TIAM1: variants seen among roughly 807,000 people sequenced by gnomAD.
TIAM1 encodes TIAM Rac1 associated GEF 1.
TIAM1 carries 65 observed loss-of-function variants against 163.5 expected under a neutral mutation model. The ratio of observed to expected loss-of-function variants is 0.40; its 90% CI spans 0.33 to 0.49. The LOEUF is 0.49. TIAM1 is among the 20% of genes least tolerant of loss of function. TIAM1 has a pLI of 0.77. For missense variants in TIAM1, 1,789 were observed against 2,044.7 expected (o/e 0.87, Z 2.41); for synonymous variants, 833 against 810.1 (o/e 1.03, Z -0.48).
At chr21:31,210,812 A>AAGAG (rs1300979066) in intron 10 of TIAM1, among the ~76,000 whole-genome samples, 3 of 147,634 alleles carry the variant, frequency 2.0e-5, no homozygotes, top group Non-Finnish European at 4.5e-5. Context: ...GAAAGAAAGA[A>AAGAG]AGGTCACCAT....
chr21:31,262,402 A>G lies in TIAM1; in HGVS notation c.963+3608T>C, dbSNP rs144112739. On this transcript the variant is annotated intron_variant, in intron 4 of 27. Coordinates refer to ENST00000541036, the MANE Select transcript of TIAM1 (RefSeq NM_001353694.2). ...ACGAACTAGCCATCAACTAAATCTA[A>G]GGAGTAACCTATTAAGTACTTTTAC... 2.2e-3 allele frequency among the ~76,000 whole-genome samples: 336 copies of G among 152,346 alleles called. 1 individual carries two copies. Among genetic ancestry groups the G allele is most frequent in the African/African-American group, 7.6e-3 (318 of 41,576 alleles).
At chr21:31,333,659 C>T (rs1355790462) in intron 2 of TIAM1, among the ~76,000 whole-genome samples, 1 of 152,128 alleles carries the variant, frequency 6.6e-6, no homozygotes, top group Non-Finnish European at 1.5e-5. Context: ...AGGCTGGTCT[C>T]GAATCTCTAG....
chr21:31,554,550 C>T (rs545026254), intron 1 of TIAM1, among the ~76,000 whole-genome samples: 2 of 152,330 alleles, frequency 1.3e-5, no homozygotes, highest in East Asian at 3.9e-4. Context: ...GGTGACAGGA[C>T]CAAGCCTCAA....
At chr21:31,287,763 G>A (rs750216500) in intron 2 of TIAM1, among the ~76,000 whole-genome samples, 1 of 152,178 alleles carries the variant, frequency 6.6e-6, no homozygotes, top group Non-Finnish European at 1.5e-5. Context: ...CTGGGGCTAT[G>A]GATGCTACAC....
At chr21:31,419,380 G>A (rs571639806) in intron 2 of TIAM1, among the ~76,000 whole-genome samples, 3 of 152,282 alleles carry the variant, frequency 2.0e-5, no homozygotes, top group Admixed American at 6.5e-5. Flanking sequence ...CTTGTAGAGC[G>A]ATGTGTCATC....
intron 9 of TIAM1, among the ~76,000 whole-genome samples, chr21:31,215,437 T>G (rs1197048162): frequency 6.6e-6 from 1 of 151,940 alleles, no homozygotes; most frequent in African/African-American, 2.4e-5. Context: ...GGCAGGCGCC[T>G]GTAATCCCAG....
At chr21:31,142,463 C>CAAAAAAAAA (rs34368848) in intron 20 of TIAM1, among the ~76,000 whole-genome samples, 954 of 49,254 alleles carry the variant, frequency 0.019, no homozygotes, top group Middle Eastern at 0.029. Flanking sequence ...ACTAAAAATA[C>CAAAAAAAAA]AAAAAAAAAA....
chr21:31,126,285 G>C (rs2082194389), intron 26 of TIAM1, among the ~76,000 whole-genome samples: 1 of 47,958 alleles, frequency 2.1e-5, no homozygotes, highest in Non-Finnish European at 3.7e-5. Flanking sequence ...TTAAATTAAA[G>C]TTAGCCAGAC....
chr21:31,247,232 G>A (rs2071550608), intron 5 of TIAM1, among the ~76,000 whole-genome samples: 1 of 151,786 alleles, frequency 6.6e-6, no homozygotes, highest in African/African-American at 2.4e-5. Flanking sequence ...GATTGTTTGA[G>A]CCCAGGAGGT....
chr21:31,247,954 A>G (rs975285120), intron 5 of TIAM1, among the ~76,000 whole-genome samples: 4 of 152,156 alleles, frequency 2.6e-5, no homozygotes, highest in Non-Finnish European at 4.4e-5. Context: ...GGTTCTTATG[A>G]TGGGGCAAAC....
At chr21:31,358,461 T>C (rs1451743845) in intron 2 of TIAM1, among the ~76,000 whole-genome samples, 2 of 152,160 alleles carry the variant, frequency 1.3e-5, no homozygotes, top group Admixed American at 6.5e-5. Flanking sequence ...CAGTGCTTTT[T>C]CCCCTAGACT....
chr21:31,252,805 T>G (rs1302131787), intron 4 of TIAM1, among the ~76,000 whole-genome samples: 1 of 152,220 alleles, frequency 6.6e-6, no homozygotes, highest in East Asian at 1.9e-4. Flanking sequence ...TCTAATCAGA[T>G]TCGCTTCTTG....
upstream of TIAM1, among the ~76,000 whole-genome samples, chr21:31,345,456 TTA>T (rs966600478): frequency 2.7e-3 from 409 of 150,124 alleles, 1 homozygote; most frequent in African/African-American, 9.6e-3. Flanking sequence ...TATATATATT[TTA>T]TATATATTCA....
intron 12 of TIAM1, among the ~76,000 whole-genome samples, chr21:31,197,416 C>T (rs1422514067): frequency 6.7e-6 from 1 of 150,022 alleles, no homozygotes; most frequent in African/African-American, 2.5e-5. Flanking sequence ...CGCTCTGTCG[C>T]CCAGGCTGGA....
At chr21:31,546,099 TAACA>T (rs1255553719) in intron 1 of TIAM1, among the ~76,000 whole-genome samples, 1 of 150,738 alleles carries the variant, frequency 6.6e-6, no homozygotes, top group Admixed American at 6.6e-5. Flanking sequence ...TAAAAGAAAA[TAACA>T]ACCACCCTTA....
intron 17 of TIAM1, among the ~76,000 whole-genome samples, chr21:31,153,725 A>ACG (rs1254443521): frequency 4.6e-5 from 7 of 151,474 alleles, no homozygotes; most frequent in Non-Finnish European, 8.8e-5. Context: ...ATATATATAT[A>ACG]TATAAATGAA....
chr21:31,454,739 T>C (rs1455129270), intron 2 of TIAM1, among the ~76,000 whole-genome samples: 1 of 152,154 alleles, frequency 6.6e-6, no homozygotes, highest in Non-Finnish European at 1.5e-5. Context: ...GGAGAAGCCA[T>C]TTAAATGTGG....
chr21:31,426,599 A>T (rs1362199160), intron 2 of TIAM1, among the ~76,000 whole-genome samples: 1 of 152,232 alleles, frequency 6.6e-6, no homozygotes, highest in Admixed American at 6.5e-5. Flanking sequence ...ACTGATTCAG[A>T]AACTCACTCA....
chr21:31,223,916 C>T (rs2087776364), intron 7 of TIAM1, among the ~76,000 whole-genome samples: 1 of 152,076 alleles, frequency 6.6e-6, no homozygotes, highest in Non-Finnish European at 1.5e-5. Flanking sequence ...TTTCCATCAC[C>T]AAAGAACTAT....
Sources: allele counts gnomAD v4.1 joint callset (sites outside exome capture counted in the v4.1 genomes callset), GRCh38; gene constraint gnomAD v4.1.1; transcripts MANE v1.5; gene names NCBI Gene and HGNC (gene_info 2026-07-23, HGNC 2026-07-21).